The following ZC3H12B variants were observed in gnomAD, a reference collection of about 807,000 sequenced individuals.
ZC3H12B encodes probable ribonuclease ZC3H12B.
A neutral mutation model predicts 43.9 loss-of-function variants in ZC3H12B; 7 were observed. The observed-to-expected ratio is 0.16, with a 90% CI of 0.09 to 0.30. The LOEUF (loss-of-function observed/expected upper bound fraction) is 0.30. Among genes scored for constraint, ZC3H12B ranks in the 10% least tolerant of loss-of-function variants. The probability of loss-of-function intolerance (pLI) is 1.00; values close to 1 mark genes in which losing one functional copy is unlikely to be tolerated. For synonymous variants in ZC3H12B, 222 were observed against 241.7 expected, an observed-to-expected ratio of 0.92 and a Z score of 0.76; for missense variants, 475 against 670.2, an observed-to-expected ratio of 0.71 and a Z score of 3.22.
the ZC3H12B span, among the ~76,000 whole-genome samples, chrX:65,105,784 G>A: frequency 6.9e-4 from 77 of 111,112 alleles, no homozygotes; most frequent in African/African-American, 2.0e-3. Flanking sequence ...CTGCTTGGGT[G>A]GTGATAGGGA....
At chrX:65,387,538 G>A (rs779046623) in intron 2 of ZC3H12B, among the ~76,000 whole-genome samples, 2 of 112,028 alleles carry the variant, frequency 1.8e-5, no homozygotes, top group Admixed American at 9.5e-5. Context: ...GTGTGTCTGT[G>A]CATGTGAGAT....
the ZC3H12B span, among the ~76,000 whole-genome samples, chrX:65,241,987 G>A: frequency 7.6e-4 from 85 of 111,702 alleles, no homozygotes; most frequent in Non-Finnish European, 1.1e-3. Context: ...CCCAAGGCTT[G>A]ATGGAATGGG....
chrX:65,259,137 G>A, the ZC3H12B span, among the ~76,000 whole-genome samples: 1 of 111,627 alleles, frequency 9.0e-6, no homozygotes, highest in Admixed American at 9.5e-5. Context: ...CAAAACTGTG[G>A]GCATCACAGT....
At chrX:65,062,308 C>T in the ZC3H12B span, among the ~76,000 whole-genome samples, 1 of 112,172 alleles carries the variant, frequency 8.9e-6, no homozygotes, top group African/African-American at 3.2e-5. Context: ...ACGTTTAAGT[C>T]TTTAATCCAT....
the ZC3H12B span, among the ~76,000 whole-genome samples, chrX:65,154,593 G>T: frequency 2.6e-3 from 288 of 112,361 alleles, 2 homozygotes; most frequent in African/African-American, 8.8e-3. Context: ...CATTGGCCGT[G>T]TGGCGGTTCA....
At chrX:65,357,118 A>G in the ZC3H12B span, 7 of 500,872 alleles carry the variant, frequency 1.4e-5, no homozygotes, top group East Asian at 1.9e-4. Flanking sequence ...TCCTGAGAGT[A>G]TATTTGACTT....
intron 3 of ZC3H12B, among the ~76,000 whole-genome samples, chrX:65,450,075 G>A (rs1004360571): frequency 9.2e-6 from 1 of 108,899 alleles, no homozygotes; most frequent in African/African-American, 3.3e-5. Flanking sequence ...GGGAGGCTGA[G>A]GAGGGTAGAT....
chrX:65,329,469 G>T, the ZC3H12B span, among the ~76,000 whole-genome samples: 4 of 94,752 alleles, frequency 4.2e-5, no homozygotes, highest in African/African-American at 6.9e-5. Context: ...AGATGAGTAG[G>T]TTGCGAAAAT....
chrX:65,320,288 C>T, the ZC3H12B span, among the ~76,000 whole-genome samples: 7 of 111,302 alleles, frequency 6.3e-5, no homozygotes, highest in African/African-American at 2.3e-4. Context: ...AACACAATTC[C>T]ATTCACAACT....
the ZC3H12B span, among the ~76,000 whole-genome samples, chrX:65,120,889 C>G: frequency 9.0e-6 from 1 of 111,524 alleles, no homozygotes; most frequent in Admixed American, 9.5e-5. Context: ...AAGGCCTTTT[C>G]TACATTTATT....
the ZC3H12B span, chrX:65,272,370 AGATTATGGT>A: frequency 5.6e-4 from 63 of 111,533 alleles, 1 homozygote; most frequent in East Asian, 8.6e-3. Context: ...AACAAAATGA[AGATTATGGT>A]GATTAAGGAT....
At chrX:65,059,357 T>C in the ZC3H12B span, among the ~76,000 whole-genome samples, 1 of 111,526 alleles carries the variant, frequency 9.0e-6, no homozygotes, top group African/African-American at 3.3e-5. Context: ...AATTTTGAGG[T>C]CTTAGATTTA....
chrX:65,348,135 A>T, the ZC3H12B span, among the ~76,000 whole-genome samples: 886 of 111,891 alleles, frequency 7.9e-3, 6 homozygotes, highest in Non-Finnish European at 0.012. Flanking sequence ...AATGTAAATG[A>T]CGAGTCAATG....
the ZC3H12B span, among the ~76,000 whole-genome samples, chrX:65,336,226 A>G: frequency 2.7e-5 from 3 of 112,833 alleles, no homozygotes; most frequent in Non-Finnish European, 5.6e-5. Context: ...TTGCACAAAC[A>G]AAGAAGCTGG....
chrX:65,212,180 A>T, the ZC3H12B span, among the ~76,000 whole-genome samples: 4 of 49,700 alleles, frequency 8.0e-5, no homozygotes, highest in East Asian at 3.2e-3. Context: ...AATATTATAT[A>T]TTATATATTA....
chrX:65,157,317 G>A, the ZC3H12B span, among the ~76,000 whole-genome samples: 1 of 111,896 alleles, frequency 8.9e-6, no homozygotes, highest in Non-Finnish European at 1.9e-5. Context: ...GGTCTTTTTT[G>A]ATTTAATAAG....
At chrX:65,425,334 T>G (rs1025605840) in intron 3 of ZC3H12B, among the ~76,000 whole-genome samples, 2 of 111,744 alleles carry the variant, frequency 1.8e-5, no homozygotes, top group African/African-American at 6.5e-5. Context: ...GAAACTTTGC[T>G]GAAGTTTCTT....
chrX:65,148,903 C>T, the ZC3H12B span, among the ~76,000 whole-genome samples: 1 of 111,699 alleles, frequency 9.0e-6, no homozygotes, highest in Non-Finnish European at 1.9e-5. Flanking sequence ...GATGTCTGGA[C>T]CTGTCAGTGC....
chrX:65,455,259 A>G (rs950349390), intron 3 of ZC3H12B, among the ~76,000 whole-genome samples: 3 of 112,052 alleles, frequency 2.7e-5, no homozygotes, highest in African/African-American at 9.7e-5. Flanking sequence ...TAACTAGAAT[A>G]ACCAATGCAG....
Sources: gnomAD v4.1 joint callset for allele counts (sites outside exome capture counted in the v4.1 genomes callset) on GRCh38, gnomAD v4.1.1 for gene constraint, MANE v1.5 for transcripts, NCBI Gene and HGNC (gene_info 2026-07-23, HGNC 2026-07-21) for gene names.